RAB25: variants seen among roughly 807,000 people sequenced by gnomAD.
RAB25 encodes ras-related protein Rab-25.
A neutral mutation model predicts 25.2 loss-of-function variants in RAB25; 23 were observed. That is an observed-to-expected ratio of 0.91 (90% CI 0.66 to 1.29). RAB25 has a LOEUF of 1.29. Among genes scored for constraint, RAB25 ranks in the 50% most tolerant of loss-of-function variants. RAB25 has a pLI of 0.00. For synonymous variants in RAB25, 102 were observed against 111.5 expected (o/e 0.91, Z 0.54); for missense variants, 244 against 277.3 (o/e 0.88, Z 0.85).
intron 1 of RAB25, 119 bp downstream of exon 1, chr1:156,061,562 A>C (rs1647582209): frequency 9.3e-7 from 1 of 1,072,032 alleles, no homozygotes; most frequent in African/African-American, 1.6e-5. Context: ...GGGGCTCCTC[A>C]TTCCTTCAGA....
chr1:156,065,968 G>T lies in RAB25; in HGVS notation c.101G>T (p.Arg34Leu), dbSNP rs778117818. ...ACCAATCTACTCTCCCGATTCACGC[G>T]CAATGAGTTCAGCCACGACAGCCGC... is the stretch of plus-strand genomic sequence containing the variant. ...GKTNLLSRFT[R>L]NEFSHDSRTT... The change falls in exon 2 of 5, where the codon CGC becomes CTC. Residue 34 changes from arginine (R) to leucine (L), a missense_variant. Arg to Leu is a moderately radical substitution (Grantham distance 102). Transcript: ENST00000361084. 3 of 1,613,582 alleles carry T rather than the reference G, an allele frequency of 1.9e-6. No homozygotes were observed. Among genetic ancestry groups the T allele is most frequent in the African/African-American group, 1.3e-5 (1 of 74,896 alleles).
In RAB25 at chr1:156,066,036, G is replaced by A; in HGVS notation, c.169G>A (p.Gly57Ser). 4 of 1,613,562 alleles carry A rather than the reference G, an allele frequency of 2.5e-6. No individual in the cohort carries two copies. The highest frequency in any genetic ancestry group is 3.4e-6 in the Non-Finnish European group (4 of 1,179,660). The change falls in exon 2 of 5, where the codon GGC (glycine) becomes AGC (serine). Residue 57 changes from glycine (G) to serine (S), a missense_variant. By Grantham distance (56) the Gly-to-Ser change is moderately conservative. Coordinates refer to ENST00000361084, the MANE Select transcript of RAB25 (RefSeq NM_020387.4). ...GTTCTCCACCCGCACTGTGATGTTG[G>A]GCACCGCTGCTGTCAAGGCTCAGAT... ...VEFSTRTVML[G>S]TAAVKAQIWD...
chr1:156,061,830 G>C (rs1351371306), intron 1 of RAB25, among the ~76,000 whole-genome samples: 2 of 152,074 alleles, frequency 1.3e-5, no homozygotes, highest in Admixed American at 6.5e-5. Context: ...TGTCGCCCAG[G>C]CTGGAGTGCA....
intron 1 of RAB25, among the ~76,000 whole-genome samples, chr1:156,064,267 C>G (rs1429914531): frequency 6.6e-6 from 1 of 152,068 alleles, no homozygotes; most frequent in East Asian, 1.9e-4. Context: ...TTTTGAGACA[C>G]AATTTCACTG....
At chr1:156,067,231 CA>C (rs386368386) in intron 2 of RAB25, among the ~76,000 whole-genome samples, 89 of 114,048 alleles carry the variant, frequency 7.8e-4, no homozygotes, top group East Asian at 9.8e-4. Flanking sequence ...GACTCTGTCT[CA>C]AAAAAAAAAA....
intron 3 of RAB25, 77 bp from the exon 4 acceptor site, chr1:156,069,594 T>C: frequency 8.5e-7 from 1 of 1,174,210 alleles, no homozygotes; most frequent in Non-Finnish European, 1.3e-6. Flanking sequence ...ATGGCAAATG[T>C]ATATAGCAAA....
At position 156,061,449 on chromosome 1, in the gene RAB25, T is replaced by A. The variant is rs1317981841; in HGVS notation, c.43+6T>A. On this transcript the variant is annotated splice_donor_region_variant and intron_variant, in intron 1 of 4. Coordinates refer to ENST00000361084, the MANE Select transcript of RAB25 (RefSeq NM_020387.4). ...TTATAACTTTGTCTTCAAGGGTGAG[T>A]TGGGTTCCCTGAAGCAAGAGGAAGC... is the stretch of plus-strand genomic sequence containing the variant. 2 of 1,613,330 alleles carry A rather than the reference T, an allele frequency of 1.2e-6. No homozygotes were observed. The highest frequency in any genetic ancestry group is 4.5e-5 in the East Asian group (2 of 44,832).
At chr1:156,062,049 G>A (rs544935990) in intron 1 of RAB25, among the ~76,000 whole-genome samples, 2 of 152,234 alleles carry the variant, frequency 1.3e-5, no homozygotes, top group East Asian at 1.9e-4. Flanking sequence ...CAAAGTGCTG[G>A]GATTACAGGC....
chr1:156,066,018 A>T lies in RAB25; in HGVS notation c.151A>T (p.Thr51Ser). 6.2e-7 allele frequency: 1 copy of T among 1,613,790 alleles called. No individual in the cohort carries two copies. The highest frequency in any genetic ancestry group is 8.5e-7 in the Non-Finnish European group (1 of 1,179,880). ...CACCACCATCGGGGTTGAGTTCTCC[A>T]CCCGCACTGTGATGTTGGGCACCGC... ...SRTTIGVEFS[T>S]RTVMLGTAAV... is the part of the protein sequence containing the mutation. The change falls in exon 2 of 5, where the codon ACC becomes TCC. Residue 51 changes from threonine to serine, a missense_variant. Transcript: ENST00000361084.
intron 3 of RAB25, among the ~76,000 whole-genome samples, chr1:156,068,955 C>G (rs1406869163): frequency 6.6e-6 from 1 of 151,932 alleles, no homozygotes; most frequent in East Asian, 1.9e-4. Context: ...TCCCAAAGTT[C>G]TGGGATTATA....
In RAB25 at chr1:156,065,991, C is replaced by T. The variant is rs201984630; in HGVS notation, c.124C>T (p.Arg42Cys). The T allele has an allele frequency of 2.5e-4, 400 of 1,613,896 alleles. No individual in the cohort carries two copies. Among genetic ancestry groups the T allele is most frequent in the Middle Eastern group, 3.3e-4 (2 of 6,084 alleles). Reference sequence around the variant, plus strand: ...GCGCAATGAGTTCAGCCACGACAGCCGCACCACCATCGGGGTTGAGTTCTC... The same window carrying T: ...GCGCAATGAGTTCAGCCACGACAGCTGCACCACCATCGGGGTTGAGTTCTC... Reference protein sequence around the residue: ...FTRNEFSHDSRTTIGVEFSTR... With the variant: ...FTRNEFSHDSCTTIGVEFSTR... The change falls in exon 2 of 5, where the codon CGC (arginine) becomes TGC (cysteine). Residue 42 changes from arginine (R) to cysteine (C), a missense_variant. Transcript: ENST00000361084.
intron 1 of RAB25, among the ~76,000 whole-genome samples, chr1:156,063,493 G>A (rs558347169): frequency 6.6e-6 from 1 of 152,300 alleles, no homozygotes; most frequent in Non-Finnish European, 1.5e-5. Flanking sequence ...GGAAGGGAGA[G>A]GAAACATAAT....
chr1:156,068,991 T>G (rs961588168), intron 3 of RAB25, among the ~76,000 whole-genome samples: 1 of 151,642 alleles, frequency 6.6e-6, no homozygotes, highest in African/African-American at 2.4e-5. Context: ...GCCCGGCCCG[T>G]AGTTAATTTT....
intron 1 of RAB25, among the ~76,000 whole-genome samples, 159 bp downstream of exon 1, chr1:156,061,602 T>G (rs1647582956): frequency 1.3e-5 from 2 of 152,094 alleles, no homozygotes; most frequent in Non-Finnish European, 2.9e-5. Flanking sequence ...GGGGAGGGTC[T>G]GGTTGCAGGG....
In RAB25 at chr1:156,068,196, T is replaced by C. The variant is rs75596976; in HGVS notation, c.240-74T>C. 6.4e-4 allele frequency: 853 copies of C among 1,337,032 alleles called. 3 individuals carry two copies. In the African/African-American group the frequency reaches 0.011, roughly 17 times the overall value. The allele number at this position is 1,337,032 out of a possible 1,614,324, so 82.8% of individuals were successfully genotyped here. On this transcript the variant is annotated intron_variant, in intron 2 of 4. Coordinates refer to ENST00000361084, the MANE Select transcript of RAB25 (RefSeq NM_020387.4). ...GTACTCTGATCCCGGGTGTTCCAGC[T>C]TGACGGCTCTGCTCTGATGCTGGGT...
Position 156,069,719 on chromosome 1 carries a change from ATG to A in RAB25, c.484_485del (p.Val162Ter). ...GAGACCTCAGCCCTGGACTCTACCA[ATG>A]TTGAGCTAGCCTTTGAGACTGTCCT... On this transcript the variant is annotated frameshift_variant, in exon 4 of 5. Coordinates refer to ENST00000361084, the MANE Select transcript of RAB25 (RefSeq NM_020387.4). LOFTEE classifies it high-confidence loss of function. The A allele has an allele frequency of 6.2e-7, 1 of 1,613,274 alleles. No homozygotes were observed. The highest frequency in any genetic ancestry group is 8.5e-7 in the Non-Finnish European group (1 of 1,179,290).
At chr1:156,066,634 C>T (rs1401295266) in intron 2 of RAB25, among the ~76,000 whole-genome samples, 1 of 152,158 alleles carries the variant, frequency 6.6e-6, no homozygotes. Flanking sequence ...GGCCTCCTGA[C>T]ACCACATCCG....
intron 2 of RAB25, chr1:156,066,348 G>A (rs1177607792): frequency 5.2e-6 from 2 of 384,282 alleles, no homozygotes; most frequent in Non-Finnish European, 9.2e-6. Context: ...CCTTTGCTAT[G>A]TGCCCAGGAA....
At position 156,069,676 on chromosome 1, in the gene RAB25, A is replaced by T. The variant is rs760040854; in HGVS notation, c.439A>T (p.Asn147Tyr). 2.3e-5 allele frequency: 37 copies of T among 1,609,320 alleles called. No individual in the cohort carries two copies. In the East Asian group the frequency reaches 8.2e-4, roughly 36 times the overall value. ...TEEARMFAEN[N>Y]GLLFLETSAL... Reference sequence around the variant, plus strand: ...TGTGTTTCCCTTCCTGGCAGAAAACAATGGACTGCTCTTCCTGGAGACCTC... The same window carrying T: ...TGTGTTTCCCTTCCTGGCAGAAAACTATGGACTGCTCTTCCTGGAGACCTC... The change falls in exon 4 of 5, where the codon AAT becomes TAT. Residue 147 changes from asparagine (N) to tyrosine (Y), a missense_variant. By Grantham distance (143) the Asn-to-Tyr change is moderately radical. Coordinates refer to ENST00000361084, the MANE Select transcript of RAB25 (RefSeq NM_020387.4).
Sources: allele counts gnomAD v4.1 joint callset (sites outside exome capture counted in the v4.1 genomes callset), GRCh38; gene constraint gnomAD v4.1.1; transcripts MANE v1.5; gene names NCBI Gene and HGNC (gene_info 2026-07-23, HGNC 2026-07-21).